Variants in RAD51B observed in about 807,000 individuals in gnomAD.
The protein encoded by RAD51B is RAD51 paralog B.
In RAD51B, 38 loss-of-function variants were observed where a neutral mutation model predicts 42.2. The ratio of observed to expected loss-of-function variants is 0.90; its 90% CI spans 0.70 to 1.18. The LOEUF (loss-of-function observed/expected upper bound fraction) is 1.18. Among genes scored for constraint, RAD51B ranks in the 50% most tolerant of loss-of-function variants. The pLI, the probability that RAD51B is intolerant of heterozygous loss-of-function variation, is 0.00. For synonymous variants in RAD51B, 154 were observed against 145.2 expected (o/e 1.06, Z -0.43); for missense variants, 373 against 400.7 (o/e 0.93, Z 0.59).
chr14:68,094,422 A>C (rs1460359739), intron 7 of RAD51B, among the ~76,000 whole-genome samples: 1 of 152,186 alleles, frequency 6.6e-6, no homozygotes, highest in Non-Finnish European at 1.5e-5. Flanking sequence ...TCATGGATTC[A>C]TTTTGAAAGA....
chr14:68,499,682 G>A (rs1011116432), intron 10 of RAD51B, among the ~76,000 whole-genome samples: 2 of 152,186 alleles, frequency 1.3e-5, no homozygotes, highest in Non-Finnish European at 1.5e-5. Context: ...AAGAGACACA[G>A]AGGAGGACAG....
At chr14:67,855,193 T>A (rs887866223) in intron 4 of RAD51B, among the ~76,000 whole-genome samples, 1 of 145,880 alleles carries the variant, frequency 6.9e-6, no homozygotes, top group Non-Finnish European at 1.5e-5. Context: ...CCACCGCGCC[T>A]GGCCAGCATC....
Position 68,662,493 on chromosome 14 carries a change from C to T in RAD51B, c.*11+11637C>T, listed in dbSNP as rs113655466. On this transcript the variant is annotated intron_variant, in intron 11 of 11. Coordinates refer to the RAD51B transcript ENST00000488612. ...AACGGTCATGGGAGATTCTGGGACA[C>T]GGATGGAACCACCCAGCAGGCTGAC... is the stretch of plus-strand genomic sequence containing the variant. 3.2e-3 allele frequency among the ~76,000 whole-genome samples: 482 copies of T among 152,328 alleles called. 2 individuals are homozygous for T. Among genetic ancestry groups the T allele is most frequent in the African/African-American group, 0.011 (459 of 41,574 alleles).
At chr14:68,024,499 C>T (rs1210948067) in intron 7 of RAD51B, among the ~76,000 whole-genome samples, 1 of 152,086 alleles carries the variant, frequency 6.6e-6, no homozygotes. Flanking sequence ...TTATTTGTGT[C>T]ATCTCTGATT....
intron 8 of RAD51B, chr14:68,338,949 A>T: frequency 1.5e-6 from 1 of 658,418 alleles, no homozygotes; most frequent in Non-Finnish European, 2.8e-6. Context: ...CCTGTGGACT[A>T]GATGTCCCAG....
rs75805517 is a variant in RAD51B, at chr14:68,018,075, T to C, written c.756+130871T>C. On this transcript the variant is annotated intron_variant, in intron 7 of 10. Transcript: ENST00000471583. ...CTGATTGTCCCTTTAAAACAATTGA[T>C]AGTTATATTGTTCTAAAATTGAGTC... Among the ~76,000 whole-genome samples the C allele has an allele frequency of 9.7e-3, 1,475 of 152,340 alleles. 24 individuals carry two copies. Among genetic ancestry groups the C allele is most frequent in the African/African-American group, 0.034 (1,429 of 41,580 alleles).
At chr14:67,985,244 A>G (rs1046463107) in intron 7 of RAD51B, among the ~76,000 whole-genome samples, 22 of 152,192 alleles carry the variant, frequency 1.4e-4, no homozygotes, top group Non-Finnish European at 2.4e-4. Context: ...ACATATTACT[A>G]TACTTTTGTT....
At chr14:67,845,362 G>T (rs1566920434) in intron 4 of RAD51B, among the ~76,000 whole-genome samples, 1 of 152,120 alleles carries the variant, frequency 6.6e-6, no homozygotes, top group Non-Finnish European at 1.5e-5. Flanking sequence ...GCTTAGTTTG[G>T]CTGCATATGA....
At chr14:68,644,769 C>T (rs1892531732) in intron 10 of RAD51B, among the ~76,000 whole-genome samples, 1 of 151,604 alleles carries the variant, frequency 6.6e-6, no homozygotes, top group South Asian at 2.1e-4. Flanking sequence ...TTTTAATTAA[C>T]TTCATCTCCA....
chr14:67,925,102 A>G (rs528423456), intron 7 of RAD51B, among the ~76,000 whole-genome samples: 1 of 152,352 alleles, frequency 6.6e-6, no homozygotes, highest in South Asian at 2.1e-4. Context: ...CTTTGACTCC[A>G]TATCTGACAT....
At chr14:68,462,673 G>A (rs1437443970) in intron 9 of RAD51B, among the ~76,000 whole-genome samples, 3 of 152,104 alleles carry the variant, frequency 2.0e-5, no homozygotes, top group Admixed American at 6.5e-5. Context: ...TTACAGGCCC[G>A]ACACCTCCAA....
intron 7 of RAD51B, among the ~76,000 whole-genome samples, chr14:68,242,805 G>T (rs2080420131): frequency 6.6e-6 from 1 of 152,192 alleles, no homozygotes; most frequent in Non-Finnish European, 1.5e-5. Context: ...GTAAGCTCTA[G>T]GTCAGAGAAG....
intron 11 of RAD51B, among the ~76,000 whole-genome samples, chr14:68,674,456 TGAG>T (rs1390350438): frequency 6.6e-6 from 1 of 151,980 alleles, no homozygotes; most frequent in Non-Finnish European, 1.5e-5. Flanking sequence ...AATATATAAA[TGAG>T]GAGGTATATA....
chr14:68,555,381 G>A (rs1888787068), intron 10 of RAD51B, among the ~76,000 whole-genome samples: 1 of 152,250 alleles, frequency 6.6e-6, no homozygotes, highest in African/African-American at 2.4e-5. Context: ...GGAAGTGGGT[G>A]AGTCGTACAT....
intron 10 of RAD51B, among the ~76,000 whole-genome samples, chr14:68,545,221 C>T (rs12435759): frequency 8.2e-4 from 125 of 152,338 alleles, no homozygotes; most frequent in Admixed American, 7.5e-3. Context: ...AAATTATTTT[C>T]AAAGGCAAAG....
intron 10 of RAD51B, among the ~76,000 whole-genome samples, chr14:68,631,833 C>T (rs756561881): frequency 1.1e-4 from 16 of 152,162 alleles, no homozygotes; most frequent in Non-Finnish European, 2.4e-4. Flanking sequence ...TCTGTGTGTG[C>T]GCTGCGTGCT....
chr14:68,565,023 C>T lies in RAD51B; in HGVS notation c.1037-29462C>T, dbSNP rs904432130. ...CCGGCCATAGGTGAAAGACAATTTC[C>T]GATTATTGTTTTCAAACATTCTACA... On this transcript the variant is annotated intron_variant, in intron 10 of 10. Transcript: ENST00000487270. The surrounding 1 kb of genome is among the most constrained non-coding windows in gnomAD (Gnocchi z 4.1). 2.6e-5 allele frequency among the ~76,000 whole-genome samples: 4 copies of T among 152,128 alleles called. No individual in the cohort carries two copies. Among genetic ancestry groups the T allele is most frequent in the African/African-American group, 7.2e-5 (3 of 41,422 alleles).
chr14:68,420,426 T>C (rs2140105066), intron 9 of RAD51B, among the ~76,000 whole-genome samples: 1 of 152,162 alleles, frequency 6.6e-6, no homozygotes, highest in East Asian at 1.9e-4. Context: ...TGGCTCGCTA[T>C]TTTTATGGGT....
chr14:68,529,780 T>A (rs916815936), intron 10 of RAD51B, among the ~76,000 whole-genome samples: 16 of 152,244 alleles, frequency 1.1e-4, no homozygotes, highest in Non-Finnish European at 1.9e-4. Context: ...CAACATTTGT[T>A]ATCTAATCTT....
Sources: allele counts gnomAD v4.1 joint callset (sites outside exome capture counted in the v4.1 genomes callset), GRCh38; gene constraint gnomAD v4.1.1; non-coding constraint Gnocchi (gnomAD v3.1); transcripts MANE v1.5; gene names NCBI Gene and HGNC (gene_info 2026-07-23, HGNC 2026-07-21).